ATP7A: variants seen among roughly 807,000 people sequenced by gnomAD.
ATP7A encodes the protein ATPase copper transporting alpha.
Under a neutral mutation model 83.5 loss-of-function variants are expected in ATP7A, and 7 were observed. That is an observed-to-expected ratio of 0.08 (90% CI 0.05 to 0.16). The LOEUF is 0.16. Among genes scored for constraint, ATP7A ranks in the 10% least tolerant of loss-of-function variants. ATP7A has a pLI of 1.00. For missense variants in ATP7A, 940 were observed against 1,120.8 expected (o/e 0.84, Z 2.30); for synonymous variants, 354 against 395.2 (o/e 0.90, Z 1.24).
In ATP7A at chrX:77,923,163, T is replaced by A. The variant is rs782744394; in HGVS notation, c.-22+12328T>A. 36 of 112,570 alleles carry A rather than the reference T, an allele frequency of 3.2e-4. 1 individual carries two copies. The Admixed American group carries it at 3.4e-3, about 11-fold the overall frequency. The allele number at this position is 112,570 out of a possible 1,213,427, so 9.3% of individuals were successfully genotyped here. On this transcript the variant is annotated intron_variant, in intron 1 of 22. Transcript: ENST00000341514. ...TAATGAATATATCTGCTGTCTCAGA[T>A]GACATAATTTATGAAAGACTTATTG...
rs1557239507 is a variant in ATP7A, at chrX:78,048,965, A to G, written c.*2395A>G. 2.7e-5 allele frequency: 3 copies of G among 111,923 alleles called. No individual in the cohort carries two copies. Among genetic ancestry groups the G allele is most frequent in the African/African-American group, 9.7e-5 (3 of 30,793 alleles). The allele number at this position is 111,923 out of a possible 1,213,427, so 9.2% of individuals were successfully genotyped here. A position where few individuals can be genotyped will look rare whatever the true frequency, so the allele number is the denominator to read the frequency against. On this transcript the variant is annotated 3_prime_UTR_variant, in exon 23 of 23. Transcript: ENST00000341514. ...ATTCATATTGTGGGACAGTGGGAAT[A>G]GCAGCTTGTAGTATTGAAATAATCA... is the stretch of plus-strand genomic sequence containing the variant.
intron 1 of ATP7A, among the ~76,000 whole-genome samples, chrX:77,931,079 C>A (rs2077271315): frequency 1.1e-5 from 1 of 94,438 alleles, no homozygotes; most frequent in South Asian, 5.2e-4. Flanking sequence ...TTGGCAGGGT[C>A]ATAGGACAAT....
intron 5 of ATP7A, 116 bp from the exon 6 acceptor site, chrX:78,002,957 A>G: frequency 1.3e-6 from 1 of 798,203 alleles, no homozygotes. Flanking sequence ...CCAGATTCAA[A>G]TCCTTTAATA....
At chrX:78,005,698 A>AG (rs1557233686) in intron 6 of ATP7A, among the ~76,000 whole-genome samples, 1 of 104,676 alleles carries the variant, frequency 9.6e-6, no homozygotes, top group Non-Finnish European at 1.9e-5. Flanking sequence ...AAAAAAAAAA[A>AG]AAAAAAAAGA....
intron 6 of ATP7A, among the ~76,000 whole-genome samples, chrX:78,008,860 T>A (rs1038482467): frequency 9.2e-6 from 1 of 108,416 alleles, no homozygotes; most frequent in Admixed American, 9.9e-5. Context: ...ACAAAAAAGA[T>A]AAAAAATTAG....
rs782611525 is a variant in ATP7A at position 78,002,236 on chromosome X, A to G, written c.1544-837A>G. Among the ~76,000 whole-genome samples, 8 of 104,999 alleles carry G rather than the reference A, an allele frequency of 7.6e-5. 1 individual carries two copies. In the Admixed American group the frequency reaches 8.3e-4, roughly 11 times the overall value. 91.2% of individuals were successfully genotyped at this position (104,999 alleles called of 115,157 possible). Reference sequence around the variant, plus strand: ...AGGCATGCACCACCATGCCCAGCTAATTTTTGTATTTTTTTTTTTTTTTTT... The same window carrying G: ...AGGCATGCACCACCATGCCCAGCTAGTTTTTGTATTTTTTTTTTTTTTTTT... On this transcript the variant is annotated intron_variant, in intron 5 of 22. Transcript: ENST00000341514.
intron 1 of ATP7A, chrX:77,969,061 A>G (rs1557229184): frequency 2.5e-6 from 3 of 1,211,909 alleles, no homozygotes; most frequent in African/African-American, 1.7e-5. Context: ...ATGCTTGGCA[A>G]TGCCCTGGAG....
intron 6 of ATP7A, among the ~76,000 whole-genome samples, chrX:78,003,799 AG>A (rs1360257340): frequency 1.8e-5 from 2 of 110,640 alleles, no homozygotes; most frequent in Non-Finnish European, 3.8e-5. Flanking sequence ...AAAATTAGCC[AG>A]GTGTGATGGT....
chrX:77,914,485 C>T (rs782529803), intron 1 of ATP7A, among the ~76,000 whole-genome samples: 10 of 111,161 alleles, frequency 9.0e-5, no homozygotes, highest in Admixed American at 2.9e-4. Context: ...CTGCAACCTC[C>T]GCCTCCTGGG....
At chrX:78,024,985 A>T (rs2077933544) in intron 14 of ATP7A, among the ~76,000 whole-genome samples, 1 of 111,544 alleles carries the variant, frequency 9.0e-6, no homozygotes, top group South Asian at 3.7e-4. Flanking sequence ...AAATCTGCTA[A>T]CAGAAGGGCT....
intron 1 of ATP7A, among the ~76,000 whole-genome samples, chrX:77,934,426 A>T (rs1255666647): frequency 9.0e-6 from 1 of 111,325 alleles, no homozygotes; most frequent in Non-Finnish European, 1.9e-5. Flanking sequence ...TCGAAAAAAA[A>T]CCCTGAAGTT....
Position 78,029,290 on chromosome X carries a change from G to A in ATP7A, c.2957G>A (p.Arg986Gln), listed in dbSNP as rs781995242. Residue 986 changes from arginine to glutamine, a missense_variant, in exon 15 of 23, where the codon CGA (arginine) becomes CAA (glutamine). Coordinates refer to ENST00000341514, the MANE Select transcript of ATP7A (RefSeq NM_000052.7). ...RSISRTETII[R>Q]FAFQASITVL... ...ATCTCCCGAACAGAAACGATAATAC[G>A]ATTTGCTTTCCAAGCCTCTATCACA... is the stretch of plus-strand genomic sequence containing the variant. 1.2e-5 allele frequency: 14 copies of A among 1,211,117 alleles called. No individual in the cohort carries two copies. Among genetic ancestry groups the A allele is most frequent in the East Asian group, 5.9e-5 (2 of 33,834 alleles).
At chrX:77,983,149 T>C (rs2077613815) in intron 2 of ATP7A, among the ~76,000 whole-genome samples, 1 of 111,861 alleles carries the variant, frequency 8.9e-6, no homozygotes, top group African/African-American at 3.3e-5. Context: ...CCTTGGGAAT[T>C]AGCATTTCAG....
intron 4 of ATP7A, among the ~76,000 whole-genome samples, chrX:77,991,851 G>A (rs1039358500): frequency 2.2e-4 from 24 of 108,742 alleles, no homozygotes; most frequent in South Asian, 8.1e-4. Flanking sequence ...ATGAAACCCC[G>A]TCCCTACAAA....
intron 1 of ATP7A, among the ~76,000 whole-genome samples, chrX:77,949,074 TAG>T (rs1211660548): frequency 9.0e-6 from 1 of 110,576 alleles, no homozygotes; most frequent in Non-Finnish European, 1.9e-5. Context: ...TGTATTTTAA[TAG>T]AGACAGGGTT....
chrX:77,952,268 T>C (rs995911036), intron 1 of ATP7A, among the ~76,000 whole-genome samples: 15 of 112,335 alleles, frequency 1.3e-4, no homozygotes, highest in Non-Finnish European at 2.4e-4. Context: ...TGTAAGTAAC[T>C]GCCCAACTGT....
intron 2 of ATP7A, among the ~76,000 whole-genome samples, chrX:77,977,971 T>C (rs1459973553): frequency 8.9e-6 from 1 of 112,000 alleles, no homozygotes; most frequent in African/African-American, 3.2e-5. Context: ...AGATTTTCTG[T>C]GAAGTTAATG....
chrX:77,941,751 C>A (rs1431963142), intron 1 of ATP7A, among the ~76,000 whole-genome samples: 2 of 110,788 alleles, frequency 1.8e-5, no homozygotes, highest in African/African-American at 6.6e-5. Flanking sequence ...TTTTTTTTCC[C>A]AGTTATCTTA....
chrX:77,927,378 C>T (rs1603370660), intron 1 of ATP7A, among the ~76,000 whole-genome samples: 1 of 111,640 alleles, frequency 9.0e-6, no homozygotes, highest in Non-Finnish European at 1.9e-5. Flanking sequence ...ATAGGACTAT[C>T]GTCAATTGTT....
Sources: allele counts gnomAD v4.1 joint callset (sites outside exome capture counted in the v4.1 genomes callset), GRCh38; gene constraint gnomAD v4.1.1; transcripts MANE v1.5; gene names NCBI Gene and HGNC (gene_info 2026-07-23, HGNC 2026-07-21).